Variants in BICD1 observed in about 807,000 individuals in gnomAD.
BICD1 encodes protein bicaudal D homolog 1.
A neutral mutation model predicts 92.5 loss-of-function variants in BICD1; 35 were observed. That is an observed-to-expected ratio of 0.38 (90% CI 0.29 to 0.50). The LOEUF (loss-of-function observed/expected upper bound fraction) is 0.50, where lower values mean the gene tolerates loss of function less well. Ranked by LOEUF, BICD1 falls within the 20% of genes least tolerant of loss-of-function variation. The probability of loss-of-function intolerance (pLI) is 0.93; values close to 1 mark genes in which losing one functional copy is unlikely to be tolerated. For synonymous variants in BICD1, 429 were observed against 465.1 expected, an observed-to-expected ratio of 0.92 and a Z score of 1.00; for missense variants, 950 against 1,189.8, an observed-to-expected ratio of 0.80 and a Z score of 2.97.
chr12:32,308,127 TA>T (rs1948278242), intron 4 of BICD1, among the ~76,000 whole-genome samples: 1 of 152,222 alleles, frequency 6.6e-6, no homozygotes, highest in South Asian at 2.1e-4. Context: ...AAAGTTCAAT[TA>T]AAAGAATGGT....
chr12:32,367,753 C>T lies in BICD1; in HGVS notation c.2840+8C>T, dbSNP rs748665389. 6.2e-7 allele frequency: 1 copy of T among 1,612,218 alleles called. No homozygotes were observed. Among genetic ancestry groups the T allele is most frequent in the South Asian group, 1.1e-5 (1 of 91,044 alleles). On this transcript the variant is annotated splice_region_variant and intron_variant, in intron 9 of 9. Transcript: ENST00000652176. ...AGACTGCCCAACTGTCAGGTAAATT[C>T]AGATGTCCTTTCCCTTCCACCCAGC... is the stretch of plus-strand genomic sequence containing the variant.
intron 3 of BICD1, among the ~76,000 whole-genome samples, chr12:32,300,631 A>AC (rs1948013767): frequency 1.9e-4 from 15 of 80,592 alleles, no homozygotes; most frequent in African/African-American, 5.5e-4. Flanking sequence ...ACTTTACAGT[A>AC]TTTTTTTTTT....
At chr12:32,157,518 C>T (rs1943476342) in intron 1 of BICD1, among the ~76,000 whole-genome samples, 1 of 152,182 alleles carries the variant, frequency 6.6e-6, no homozygotes, top group African/African-American at 2.4e-5. Flanking sequence ...TCCACATACT[C>T]TATGTGTAAA....
intron 2 of BICD1, among the ~76,000 whole-genome samples, chr12:32,221,971 A>G (rs986433696): frequency 6.6e-6 from 1 of 152,210 alleles, no homozygotes; most frequent in Non-Finnish European, 1.5e-5. Context: ...ATATACTAGA[A>G]GATAGCCTAA....
chr12:32,268,231 C>T (rs1947049685), intron 2 of BICD1, among the ~76,000 whole-genome samples: 2 of 152,170 alleles, frequency 1.3e-5, no homozygotes, highest in African/African-American at 2.4e-5. Context: ...ATGAGTACAA[C>T]CAATGTCAAC....
At chr12:32,127,497 A>AT (rs1942386784) in intron 1 of BICD1, among the ~76,000 whole-genome samples, 2 of 152,056 alleles carry the variant, frequency 1.3e-5, no homozygotes, top group South Asian at 4.1e-4. Context: ...GCATGGGTCT[A>AT]TTTTTGGACT....
At chr12:32,131,790 G>C (rs985822650) in intron 1 of BICD1, among the ~76,000 whole-genome samples, 1 of 152,220 alleles carries the variant, frequency 6.6e-6, no homozygotes, top group Non-Finnish European at 1.5e-5. Flanking sequence ...GTATACCCCA[G>C]CCATTGTTAG....
At position 32,137,470 on chromosome 12, in the gene BICD1, A is replaced by G. The variant is rs575184117; in HGVS notation, c.213+29926A>G. On this transcript the variant is annotated intron_variant, in intron 1 of 9. Coordinates refer to ENST00000652176, the MANE Select transcript of BICD1 (RefSeq NM_001714.4). ...TCTCAGATACTTAGTGTAGCAATTT[A>G]TTACTCAGATATATAACTTTTTACA... Among the ~76,000 whole-genome samples, 219 of 152,308 alleles carry G rather than the reference A, an allele frequency of 1.4e-3. 4 individuals are homozygous for G. In the South Asian group the frequency reaches 0.044, roughly 30 times the overall value.
intron 1 of BICD1, among the ~76,000 whole-genome samples, chr12:32,120,760 T>G (rs1189606196): frequency 2.0e-5 from 3 of 152,108 alleles, no homozygotes; most frequent in Non-Finnish European, 4.4e-5. Flanking sequence ...TGACCATTTT[T>G]TTTTTGTCTT....
At chr12:32,127,110 T>A (rs1299529262) in intron 1 of BICD1, among the ~76,000 whole-genome samples, 1 of 152,206 alleles carries the variant, frequency 6.6e-6, no homozygotes, top group Non-Finnish European at 1.5e-5. Flanking sequence ...TGGGTTGTCT[T>A]TTTACTCTTT....
At chr12:32,210,411 CTTTT>C (rs967733547) in intron 1 of BICD1, among the ~76,000 whole-genome samples, 4 of 152,034 alleles carry the variant, frequency 2.6e-5, no homozygotes, top group Non-Finnish European at 5.9e-5. Context: ...AATTTTATTT[CTTTT>C]ATCTTTTATA....
At position 32,177,314 on chromosome 12, in the gene BICD1, C is replaced by CAA. The variant is rs35641000; in HGVS notation, c.214-38922_214-38921dup. 1.1e-3 allele frequency among the ~76,000 whole-genome samples: 158 copies of CAA among 138,186 alleles called. 1 individual carries two copies. Among genetic ancestry groups the CAA allele is most frequent in the Non-Finnish European group, 2.2e-3 (140 of 63,966 alleles). The allele number at this position is 138,186 out of a possible 152,430, so 90.7% of individuals were successfully genotyped here. ...TGGGCAACACAGCTAGACTCAGTCT[C>CAA]AAAAAAAAAAAAGAATGACAGTTTC... On this transcript the variant is annotated intron_variant, in intron 1 of 9. Coordinates refer to ENST00000652176, the MANE Select transcript of BICD1 (RefSeq NM_001714.4).
At chr12:32,248,748 C>T (rs185444060) in intron 2 of BICD1, among the ~76,000 whole-genome samples, 2 of 152,268 alleles carry the variant, frequency 1.3e-5, no homozygotes, top group East Asian at 1.9e-4. Flanking sequence ...GGCACGTGGA[C>T]ACCAGAGGGT....
At chr12:32,263,572 A>T (rs1592578651) in intron 2 of BICD1, among the ~76,000 whole-genome samples, 1 of 152,146 alleles carries the variant, frequency 6.6e-6, no homozygotes, top group Admixed American at 6.5e-5. Flanking sequence ...AAAGTATTAC[A>T]GAAAAGAATG....
At chr12:32,307,290 T>C (rs1319284179) in intron 4 of BICD1, among the ~76,000 whole-genome samples, 1 of 152,218 alleles carries the variant, frequency 6.6e-6, no homozygotes, top group Non-Finnish European at 1.5e-5. Flanking sequence ...AGGATTCTTA[T>C]TGCAACATGA....
At chr12:32,146,993 G>A (rs1943133624) in intron 1 of BICD1, among the ~76,000 whole-genome samples, 1 of 151,568 alleles carries the variant, frequency 6.6e-6, no homozygotes, top group Non-Finnish European at 1.5e-5. Flanking sequence ...AGGCTGGAAT[G>A]TAGTGGTATG....
At chr12:32,267,382 T>G (rs2136138811) in intron 2 of BICD1, among the ~76,000 whole-genome samples, 1 of 152,366 alleles carries the variant, frequency 6.6e-6, no homozygotes, top group East Asian at 1.9e-4. Context: ...TTGTTTTGTA[T>G]TTTAATTACT....
chr12:32,225,125 C>T (rs894846325), intron 2 of BICD1, among the ~76,000 whole-genome samples: 6 of 152,200 alleles, frequency 3.9e-5, no homozygotes, highest in Admixed American at 3.3e-4. Flanking sequence ...CCCACCTCAG[C>T]CTCTGATAAC....
At chr12:32,330,644 A>T (rs1036905808) in intron 5 of BICD1, among the ~76,000 whole-genome samples, 1 of 151,640 alleles carries the variant, frequency 6.6e-6, no homozygotes, top group Non-Finnish European at 1.5e-5. Flanking sequence ...TTTGTGAGAG[A>T]TCTGACTCTA....
Sources: gnomAD v4.1 joint callset for allele counts (sites outside exome capture counted in the v4.1 genomes callset) on GRCh38, gnomAD v4.1.1 for gene constraint, MANE v1.5 for transcripts, NCBI Gene and HGNC (gene_info 2026-07-23, HGNC 2026-07-21) for gene names.